ARMC8: variants seen among roughly 807,000 people sequenced by gnomAD.
ARMC8 encodes the protein armadillo repeat-containing protein 8.
Under a neutral mutation model 99.3 loss-of-function variants are expected in ARMC8, and 20 were observed. The observed-to-expected ratio is 0.20, with a 90% CI of 0.14 to 0.29. ARMC8 has a LOEUF of 0.29. Among genes scored for constraint, ARMC8 ranks in the 10% least tolerant of loss-of-function variants. The probability of loss-of-function intolerance (pLI) is 1.00; values close to 1 mark genes in which losing one functional copy is unlikely to be tolerated. For synonymous variants in ARMC8, 263 were observed against 278.3 expected, an observed-to-expected ratio of 0.95 and a Z score of 0.55; for missense variants, 569 against 809.5, an observed-to-expected ratio of 0.70 and a Z score of 3.60.
rs558378209 is a variant in ARMC8 at position 138,247,303 on chromosome 3, A to AT, written c.1134+2127dup. Among the ~76,000 whole-genome samples, 316 of 151,826 alleles carry AT rather than the reference A, an allele frequency of 2.1e-3. 2 individuals carry two copies. The highest frequency in any genetic ancestry group is 0.014 in the South Asian group (66 of 4,816). On this transcript the variant is annotated intron_variant, in intron 12 of 21. Coordinates refer to ENST00000469044, the MANE Select transcript of ARMC8 (RefSeq NM_001363941.2). ...CTTAAAGTACAATGTTTATTGTTTGATTTTTTTAAAATGCAATGTTTATGC... is the reference window on the plus strand; with the variant it reads ...CTTAAAGTACAATGTTTATTGTTTGATTTTTTTTAAAATGCAATGTTTATGC...
intron 5 of ARMC8, among the ~76,000 whole-genome samples, chr3:138,227,630 T>C (rs2045762127): frequency 6.6e-6 from 1 of 152,112 alleles, no homozygotes; most frequent in Non-Finnish European, 1.5e-5. Flanking sequence ...TTGGGCATTC[T>C]TTTTTTTCCC....
At chr3:138,227,889 T>A (rs1339244708) in intron 5 of ARMC8, among the ~76,000 whole-genome samples, 1 of 152,246 alleles carries the variant, frequency 6.6e-6, no homozygotes, top group East Asian at 1.9e-4. Context: ...TGTCATTGAC[T>A]GGGAAGCTTG....
At position 138,273,122 on chromosome 3, in the gene ARMC8, TAAA is replaced by T; in HGVS notation, c.1629+8_1629+10del. The T allele has an allele frequency of 6.2e-7, 1 of 1,600,986 alleles. No homozygotes were observed. Among genetic ancestry groups the T allele is most frequent in the Non-Finnish European group, 8.5e-7 (1 of 1,175,480 alleles). On this transcript the variant is annotated splice_region_variant and intron_variant, in intron 17 of 21. Transcript: ENST00000469044. ...ATCTCCTCTCCACTCGTCCTGTAAG[TAAA>T]ATCACCCAGGCTTCCAAATTAGCTA...
intron 10 of ARMC8, among the ~76,000 whole-genome samples, 180 bp downstream of exon 10, chr3:138,239,708 T>C (rs2108166592): frequency 6.6e-6 from 1 of 152,284 alleles, no homozygotes; most frequent in South Asian, 2.1e-4. Context: ...AAAAATTGAT[T>C]TTAGATGTGT....
At chr3:138,276,913 T>TA (rs1358537446) in intron 18 of ARMC8, among the ~76,000 whole-genome samples, 3 of 152,170 alleles carry the variant, frequency 2.0e-5, no homozygotes, top group African/African-American at 7.2e-5. Context: ...TGCCTTTACA[T>TA]ATAGATTTTA....
intron 7 of ARMC8, 129 bp downstream of exon 7, chr3:138,235,243 G>A (rs1241511477): frequency 1.5e-6 from 1 of 650,854 alleles, no homozygotes; most frequent in Non-Finnish European, 2.6e-6. Context: ...AAATGTTATA[G>A]GGCATCATTT....
At chr3:138,231,560 T>A (rs2046029537) in intron 6 of ARMC8, among the ~76,000 whole-genome samples, 1 of 152,222 alleles carries the variant, frequency 6.6e-6, no homozygotes, top group African/African-American at 2.4e-5. Flanking sequence ...TTCTAACTTC[T>A]AAACTGTTGC....
rs58707271 is a variant in ARMC8 at position 138,201,436 on chromosome 3, C to CTTTTTTTTTTTTTTTTTT, written c.46-8357_46-8340dup. On this transcript the variant is annotated intron_variant, in intron 1 of 21. Transcript: ENST00000469044. ...TAGAGTCCTTGTCTTCTTCCCCTCC[C>CTTTTTTTTTTTTTTTTTT]TTTTTTTTTTTTTTTTTTTTTTTTT... Among the ~76,000 whole-genome samples, 9 of 64,932 alleles carry CTTTTTTTTTTTTTTTTTT rather than the reference C, an allele frequency of 1.4e-4. 4 individuals are homozygous for CTTTTTTTTTTTTTTTTTT. Among genetic ancestry groups the CTTTTTTTTTTTTTTTTTT allele is most frequent in the Non-Finnish European group, 3.1e-4 (9 of 29,392 alleles). 42.6% of individuals were successfully genotyped at this position (64,932 alleles called of 152,430 possible).
intron 1 of ARMC8, among the ~76,000 whole-genome samples, chr3:138,208,364 G>A (rs2044505894): frequency 6.6e-6 from 1 of 152,238 alleles, no homozygotes; most frequent in Non-Finnish European, 1.5e-5. Flanking sequence ...TACTCAGGAG[G>A]CTGAGGCAGG....
intron 18 of ARMC8, among the ~76,000 whole-genome samples, chr3:138,282,217 T>G (rs1236339224): frequency 1.3e-5 from 2 of 152,200 alleles, no homozygotes; most frequent in Non-Finnish European, 2.9e-5. Context: ...AAGGTGGGGT[T>G]GTTGTAAAGC....
chr3:138,293,408 A>G (rs2051171625), intron 21 of ARMC8, among the ~76,000 whole-genome samples: 1 of 152,140 alleles, frequency 6.6e-6, no homozygotes, highest in Admixed American at 6.6e-5. Context: ...GCATGGTAGT[A>G]CGTGCCTGTA....
chr3:138,231,783 G>C (rs944968511), intron 6 of ARMC8, among the ~76,000 whole-genome samples: 2 of 149,322 alleles, frequency 1.3e-5, no homozygotes, highest in African/African-American at 4.9e-5. Context: ...CCATCTCTGG[G>C]GGGGGAAAAA....
At chr3:138,276,642 A>G (rs369280199) in intron 18 of ARMC8, among the ~76,000 whole-genome samples, 4 of 152,262 alleles carry the variant, frequency 2.6e-5, no homozygotes, top group African/African-American at 9.6e-5. Context: ...GAACAATTGG[A>G]TATTGAGATA....
chr3:138,282,802 T>C (rs1257551708), intron 18 of ARMC8, among the ~76,000 whole-genome samples: 1 of 152,152 alleles, frequency 6.6e-6, no homozygotes, highest in African/African-American at 2.4e-5. Flanking sequence ...CCAAACTAAT[T>C]ACTCCTGTTA....
At chr3:138,242,408 T>C (rs908304086) in intron 11 of ARMC8, among the ~76,000 whole-genome samples, 1 of 152,226 alleles carries the variant, frequency 6.6e-6, no homozygotes, top group Non-Finnish European at 1.5e-5. Context: ...TTGTTACCTT[T>C]CCCTATCTTC....
chr3:138,289,530 G>A (rs2050746420), intron 20 of ARMC8, among the ~76,000 whole-genome samples: 1 of 152,204 alleles, frequency 6.6e-6, no homozygotes, highest in African/African-American at 2.4e-5. Context: ...AGGTGCATTT[G>A]TGAGAAATGA....
At chr3:138,233,712 G>A (rs1205412641) in intron 6 of ARMC8, among the ~76,000 whole-genome samples, 4 of 152,160 alleles carry the variant, frequency 2.6e-5, no homozygotes, top group East Asian at 3.9e-4. Context: ...AAGAAAGAAC[G>A]AGCATCTTCA....
intron 6 of ARMC8, among the ~76,000 whole-genome samples, chr3:138,231,485 T>A (rs1352233797): frequency 6.6e-6 from 1 of 152,162 alleles, no homozygotes; most frequent in African/African-American, 2.4e-5. Flanking sequence ...TAATCATAAT[T>A]ATATTTTTGA....
At chr3:138,233,556 A>G (rs1227200508) in intron 6 of ARMC8, among the ~76,000 whole-genome samples, 1 of 145,972 alleles carries the variant, frequency 6.9e-6, no homozygotes, top group Non-Finnish European at 1.5e-5. Context: ...ATGGAAAAAG[A>G]GAGAAATTGC....
Sources: allele counts gnomAD v4.1 joint callset (sites outside exome capture counted in the v4.1 genomes callset), GRCh38; gene constraint gnomAD v4.1.1; transcripts MANE v1.5; gene names NCBI Gene and HGNC (gene_info 2026-07-23, HGNC 2026-07-21).